The following CTTNBP2NL variants were observed in gnomAD, a reference collection of about 807,000 sequenced individuals.
The protein encoded by CTTNBP2NL is CTTNBP2 N-terminal like.
CTTNBP2NL carries 16 observed loss-of-function variants against 32.5 expected under a neutral mutation model. The ratio of observed to expected loss-of-function variants is 0.49; its 90% CI spans 0.33 to 0.75. The LOEUF (loss-of-function observed/expected upper bound fraction) is 0.75. CTTNBP2NL is among the 30% of genes least tolerant of loss of function. The pLI is 0.02. For missense variants in CTTNBP2NL, 645 were observed against 756.0 expected (o/e 0.85, Z 1.72); for synonymous variants, 298 against 289.4 (o/e 1.03, Z -0.30).
At chr1:112,394,983 A>G (rs113384722), upstream of CTTNBP2NL, among the ~76,000 whole-genome samples, 4,801 of 152,326 alleles carry the variant, frequency 0.032, 260 homozygotes, top group African/African-American at 0.11. Context: ...TGGCACAGTG[A>G]TAACATGATA....
At chr1:112,436,276 A>C (rs546121548) in intron 3 of CTTNBP2NL, among the ~76,000 whole-genome samples, 1 of 152,294 alleles carries the variant, frequency 6.6e-6, no homozygotes, top group South Asian at 2.1e-4. Context: ...TCTTCACCCC[A>C]GACCTAGAAA....
At chr1:112,429,587 C>T (rs1649501441) in intron 3 of CTTNBP2NL, among the ~76,000 whole-genome samples, 1 of 152,130 alleles carries the variant, frequency 6.6e-6, no homozygotes, top group African/African-American at 2.4e-5. Flanking sequence ...TACAGATGTC[C>T]TTAGGCCTTT....
chr1:112,442,262 A>G (rs1318183724), intron 3 of CTTNBP2NL, among the ~76,000 whole-genome samples: 2 of 152,182 alleles, frequency 1.3e-5, no homozygotes, highest in African/African-American at 2.4e-5. Context: ...AGTGGGGACT[A>G]CAGGCATGTG....
intron 4 of CTTNBP2NL, among the ~76,000 whole-genome samples, 153 bp downstream of exon 4, chr1:112,449,325 T>TA (rs1253962292): frequency 1.0e-5 from 1 of 97,100 alleles, no homozygotes; most frequent in Non-Finnish European, 2.5e-5. Context: ...AGCCAGGAGA[T>TA]AAAAAAGAAA....
chr1:112,425,970 TG>T (rs1649381915), intron 3 of CTTNBP2NL, among the ~76,000 whole-genome samples: 1 of 111,084 alleles, frequency 9.0e-6, no homozygotes, highest in Non-Finnish European at 2.2e-5. Context: ...TGTGTGTGTG[TG>T]TGTGTGTGTG....
intron 3 of CTTNBP2NL, among the ~76,000 whole-genome samples, chr1:112,426,789 A>G (rs912344990): frequency 6.6e-6 from 1 of 151,954 alleles, no homozygotes; most frequent in African/African-American, 2.4e-5. Context: ...TATTTTTACT[A>G]TAGACAAGGT....
intron 1 of CTTNBP2NL, among the ~76,000 whole-genome samples, chr1:112,403,283 T>C (rs1648557636): frequency 6.6e-6 from 1 of 152,222 alleles, no homozygotes; most frequent in African/African-American, 2.4e-5. Flanking sequence ...TATGCTTTTG[T>C]TATGATTTTC....
intron 3 of CTTNBP2NL, among the ~76,000 whole-genome samples, chr1:112,440,630 A>G (rs1171728338): frequency 1.3e-5 from 2 of 152,180 alleles, no homozygotes; most frequent in Admixed American, 6.6e-5. Context: ...ATCAAGACCT[A>G]CTAAATTGAA....
intron 1 of CTTNBP2NL, among the ~76,000 whole-genome samples, chr1:112,403,376 A>T (rs1483926608): frequency 6.8e-6 from 1 of 146,302 alleles, no homozygotes; most frequent in Non-Finnish European, 1.5e-5. Flanking sequence ...AGTGCTGTAC[A>T]TTTCTTTCCA....
intron 1 of CTTNBP2NL, among the ~76,000 whole-genome samples, chr1:112,400,686 G>A (rs1045888990): frequency 6.6e-6 from 1 of 152,188 alleles, no homozygotes; most frequent in African/African-American, 2.4e-5. Flanking sequence ...CAGCTACTCC[G>A]GAGGCTGAGG....
intron 1 of CTTNBP2NL, among the ~76,000 whole-genome samples, chr1:112,397,477 T>A (rs1026803868): frequency 6.6e-6 from 1 of 152,198 alleles, no homozygotes; most frequent in Non-Finnish European, 1.5e-5. Context: ...GGTTTTACGA[T>A]CATCTATCAA....
chr1:112,436,388 A>G (rs1649731526), intron 3 of CTTNBP2NL, among the ~76,000 whole-genome samples: 1 of 152,222 alleles, frequency 6.6e-6, no homozygotes, highest in Non-Finnish European at 1.5e-5. Flanking sequence ...GGTCTTGGTT[A>G]TTCTAATCTG....
chr1:112,421,737 A>C (rs1649239604), intron 3 of CTTNBP2NL, among the ~76,000 whole-genome samples: 1 of 151,920 alleles, frequency 6.6e-6, no homozygotes, highest in Non-Finnish European at 1.5e-5. Flanking sequence ...TTCTTATGGG[A>C]ATTGACAGTT....
rs1468968773 is a variant in CTTNBP2NL, at chr1:112,457,946, CT to C, written c.*537del. On this transcript the variant is annotated 3_prime_UTR_variant, in exon 6 of 6. Transcript: ENST00000271277. ...TCCTCTTTTAATGTTTTAATACAAGCTTTGTGTTCTGAAACAAGGCTGCATA... is the reference window on the plus strand; with the variant it reads ...TCCTCTTTTAATGTTTTAATACAAGCTTGTGTTCTGAAACAAGGCTGCATA... 6.5e-6 allele frequency: 1 copy of C among 153,876 alleles called. No individual in the cohort carries two copies. Among genetic ancestry groups the C allele is most frequent in the African/African-American group, 2.4e-5 (1 of 41,432 alleles). The allele number at this position is 153,876 out of a possible 1,614,324, so 9.5% of individuals were successfully genotyped here.
At chr1:112,434,859 C>G (rs551050352) in intron 3 of CTTNBP2NL, among the ~76,000 whole-genome samples, 1 of 152,112 alleles carries the variant, frequency 6.6e-6, no homozygotes, top group East Asian at 1.9e-4. Flanking sequence ...AAAGTATGTC[C>G]AGGCTGGGTG....
At chr1:112,415,860 G>A (rs369764017) in intron 2 of CTTNBP2NL, 11 of 314,158 alleles carry the variant, frequency 3.5e-5, no homozygotes, top group Admixed American at 5.3e-5. Flanking sequence ...CAGCCCTAGC[G>A]GCTAATTCTT....
intron 3 of CTTNBP2NL, among the ~76,000 whole-genome samples, chr1:112,420,280 G>A (rs1414278463): frequency 6.6e-6 from 1 of 151,916 alleles, no homozygotes; most frequent in Non-Finnish European, 1.5e-5. Context: ...GAGTAGCTGG[G>A]ATTACAGGCG....
chr1:112,448,988 A>G lies in CTTNBP2NL; in HGVS notation c.146A>G (p.Asn49Ser), dbSNP rs374659455. The change falls in exon 4 of 6, where the codon AAC (asparagine) becomes AGC (serine). Residue 49 changes from asparagine (N) to serine (S), a missense_variant. Asn to Ser is a conservative substitution (Grantham distance 46). Coordinates refer to ENST00000271277, the MANE Select transcript of CTTNBP2NL (RefSeq NM_018704.3). The stretch of plus-strand genomic sequence containing the variant: ...ATTGAAGAACGCTATGGAAAATATA[A>G]CATCAGTGATCCTTTAATGGCTCTA... ...TFIEERYGKYNISDPLMALQR... is the reference protein window; with the variant it reads ...TFIEERYGKYSISDPLMALQR... The G allele has an allele frequency of 5.0e-6, 8 of 1,613,384 alleles. No homozygotes were observed. The African/African-American group carries it at 1.1e-4, about 22-fold the overall frequency.
At chr1:112,406,091 G>A (rs993372994) in intron 1 of CTTNBP2NL, among the ~76,000 whole-genome samples, 1 of 152,020 alleles carries the variant, frequency 6.6e-6, no homozygotes, top group Admixed American at 6.5e-5. Context: ...GGCTGAGGCA[G>A]GAGAATTGCT....
Sources: gnomAD v4.1 joint callset for allele counts (sites outside exome capture counted in the v4.1 genomes callset) on GRCh38, gnomAD v4.1.1 for gene constraint, MANE v1.5 for transcripts, NCBI Gene and HGNC (gene_info 2026-07-23, HGNC 2026-07-21) for gene names.